Variants in RNGTT observed in about 807,000 individuals in gnomAD.
The protein encoded by RNGTT is mRNA-capping enzyme.
In RNGTT, 33 loss-of-function variants were observed where a neutral mutation model predicts 79.3. That is an observed-to-expected ratio of 0.42 (90% CI 0.32 to 0.56). The LOEUF (loss-of-function observed/expected upper bound fraction) is 0.56. RNGTT is among the 20% of genes least tolerant of loss of function. RNGTT has a pLI of 0.17. For synonymous variants in RNGTT, 222 were observed against 235.9 expected (o/e 0.94, Z 0.54); for missense variants, 497 against 739.1 (o/e 0.67, Z 3.80).
intron 13 of RNGTT, among the ~76,000 whole-genome samples, chr6:88,717,843 G>T (rs1776573221): frequency 6.6e-6 from 1 of 152,132 alleles, no homozygotes; most frequent in Non-Finnish European, 1.5e-5. Flanking sequence ...AGGCCAAGTG[G>T]TGAAGCTAGA....
rs560412740 is a variant in RNGTT at position 88,664,872 on chromosome 6, A to T, written c.1506+13481T>A. On this transcript the variant is annotated intron_variant, in intron 14 of 15. Transcript: ENST00000369485. ...TTTCTGGTCAATACTGGTGCTGAAC[A>T]TTCAGTAGTGACCACCCCGGTCGCC... Among the ~76,000 whole-genome samples, 5 of 152,274 alleles carry T rather than the reference A, an allele frequency of 3.3e-5. No homozygotes were observed. In the East Asian group the frequency reaches 9.7e-4, roughly 29 times the overall value.
intron 2 of RNGTT, among the ~76,000 whole-genome samples, chr6:88,932,885 C>T (rs1177652708): frequency 6.6e-6 from 1 of 152,200 alleles, no homozygotes; most frequent in East Asian, 1.9e-4. Flanking sequence ...TCTTCCACCT[C>T]ATTCTGAAGC....
chr6:88,922,847 AT>A (rs1372929253), intron 4 of RNGTT, among the ~76,000 whole-genome samples: 1 of 152,148 alleles, frequency 6.6e-6, no homozygotes, highest in Non-Finnish European at 1.5e-5. Flanking sequence ...TACAAACTGC[AT>A]TTTTTGTTAG....
chr6:88,835,207 T>G (rs1308112015), intron 11 of RNGTT, among the ~76,000 whole-genome samples: 1 of 152,178 alleles, frequency 6.6e-6, no homozygotes, highest in Non-Finnish European at 1.5e-5. Context: ...TTCTTTTGTT[T>G]TCTTTTTTAA....
At chr6:88,796,344 T>C (rs1024167049) in intron 12 of RNGTT, among the ~76,000 whole-genome samples, 3 of 152,204 alleles carry the variant, frequency 2.0e-5, no homozygotes, top group African/African-American at 7.2e-5. Context: ...TTCCATAGTA[T>C]AATTTTACTA....
intron 12 of RNGTT, among the ~76,000 whole-genome samples, chr6:88,782,566 A>G (rs1029664931): frequency 4.6e-5 from 7 of 150,834 alleles, no homozygotes; most frequent in African/African-American, 1.7e-4. Flanking sequence ...ATATCAAACT[A>G]AAAACCTTCT....
At chr6:88,788,095 G>A (rs1359777211) in intron 12 of RNGTT, among the ~76,000 whole-genome samples, 4 of 152,174 alleles carry the variant, frequency 2.6e-5, no homozygotes, top group African/African-American at 9.7e-5. Flanking sequence ...TGTCTGTATT[G>A]TGTTTCTGAT....
chr6:88,752,095 T>G (rs1315953490), intron 13 of RNGTT, among the ~76,000 whole-genome samples: 1 of 151,752 alleles, frequency 6.6e-6, no homozygotes, highest in Non-Finnish European at 1.5e-5. Context: ...TTAACAATGA[T>G]GTGCCCTAGC....
chr6:88,888,036 G>C (rs1394949192), intron 8 of RNGTT, among the ~76,000 whole-genome samples: 2 of 152,086 alleles, frequency 1.3e-5, no homozygotes, highest in Non-Finnish European at 2.9e-5. Flanking sequence ...AGAATGACTT[G>C]AGCCCAGGAG....
chr6:88,899,453 T>A (rs1056766049), intron 6 of RNGTT, among the ~76,000 whole-genome samples: 9 of 152,094 alleles, frequency 5.9e-5, no homozygotes, highest in African/African-American at 2.2e-4. Context: ...AATTTTTTAA[T>A]TTTTTGTAGA....
At chr6:88,763,685 T>C (rs1236375361) in intron 13 of RNGTT, among the ~76,000 whole-genome samples, 1 of 152,142 alleles carries the variant, frequency 6.6e-6, no homozygotes, top group Non-Finnish European at 1.5e-5. Flanking sequence ...AAGACACATG[T>C]AAGACAGAAG....
Position 88,627,978 on chromosome 6 carries a change from T to C in RNGTT, c.1507-13583A>G, listed in dbSNP as rs955209840. 4.6e-5 allele frequency among the ~76,000 whole-genome samples: 7 copies of C among 152,142 alleles called. No homozygotes were observed. In the South Asian group the frequency reaches 6.2e-4, roughly 14 times the overall value. On this transcript the variant is annotated intron_variant, in intron 14 of 15. Coordinates refer to ENST00000369485, the MANE Select transcript of RNGTT (RefSeq NM_003800.5). ...TGGGTATTTTACTGTTTGCCATGCA[T>C]AGATCATTGCAATTTTATATATGCT...
intron 14 of RNGTT, among the ~76,000 whole-genome samples, chr6:88,647,226 T>C (rs992398710): frequency 2.0e-5 from 3 of 152,150 alleles, no homozygotes; most frequent in Non-Finnish European, 4.4e-5. Context: ...GGTAATAGTA[T>C]GCTACAGAAG....
chr6:88,952,124 G>A (rs1398703731), intron 1 of RNGTT, among the ~76,000 whole-genome samples: 1 of 152,100 alleles, frequency 6.6e-6, no homozygotes, highest in Non-Finnish European at 1.5e-5. Context: ...CTGCATGGGA[G>A]CTGGGTGAAG....
chr6:88,856,561 G>A (rs1056727664), intron 8 of RNGTT, among the ~76,000 whole-genome samples: 1 of 152,106 alleles, frequency 6.6e-6, no homozygotes, highest in East Asian at 1.9e-4. Flanking sequence ...TAGAGGACGG[G>A]ATTTACAAAA....
At chr6:88,696,398 C>T (rs1439446015) in intron 13 of RNGTT, among the ~76,000 whole-genome samples, 2 of 152,032 alleles carry the variant, frequency 1.3e-5, no homozygotes, top group African/African-American at 4.8e-5. Flanking sequence ...ACAGGGAAAT[C>T]ATTAAATACA....
intron 8 of RNGTT, among the ~76,000 whole-genome samples, chr6:88,865,000 T>C (rs896093568): frequency 2.6e-5 from 4 of 152,116 alleles, no homozygotes; most frequent in South Asian, 4.1e-4. Flanking sequence ...GTTCTGAAGA[T>C]AGATGTTGGT....
chr6:88,779,469 A>G (rs1461991086), intron 12 of RNGTT, among the ~76,000 whole-genome samples: 1 of 152,212 alleles, frequency 6.6e-6, no homozygotes, highest in African/African-American at 2.4e-5. Flanking sequence ...TTATTTATAT[A>G]ACAGATATTA....
intron 2 of RNGTT, among the ~76,000 whole-genome samples, chr6:88,936,975 CT>C (rs1335935942): frequency 6.6e-6 from 1 of 152,146 alleles, no homozygotes; most frequent in Non-Finnish European, 1.5e-5. Flanking sequence ...CTGATTCAAT[CT>C]TGGTAGGTTG....
Sources: gnomAD v4.1 joint callset for allele counts (sites outside exome capture counted in the v4.1 genomes callset) on GRCh38, gnomAD v4.1.1 for gene constraint, MANE v1.5 for transcripts, NCBI Gene and HGNC (gene_info 2026-07-23, HGNC 2026-07-21) for gene names.